The following MANEA variants were observed in gnomAD, a reference collection of about 807,000 sequenced individuals.
MANEA encodes glycoprotein endo-alpha-1,2-mannosidase.
Under a neutral mutation model 36.8 loss-of-function variants are expected in MANEA, and 25 were observed. The ratio of observed to expected loss-of-function variants is 0.68; its 90% confidence interval spans 0.50 to 0.95. The LOEUF (loss-of-function observed/expected upper bound fraction) is 0.95. Among genes scored for constraint, MANEA ranks in the 40% least tolerant of loss-of-function variants. MANEA has a pLI of 0.00. For missense variants in MANEA, 565 were observed against 558.8 expected (o/e 1.01, Z -0.11); for synonymous variants, 198 against 188.5 (o/e 1.05, Z -0.41).
chr6:95,585,369 G>A lies in MANEA; in HGVS notation c.-38-1033G>A, dbSNP rs561594256. Among the ~76,000 whole-genome samples the A allele has an allele frequency of 1.5e-4, 23 of 152,282 alleles. No homozygotes were observed. In the South Asian group the frequency reaches 2.3e-3, roughly 15 times the overall value. Reference sequence around the variant, plus strand: ...CTGTCACCCAGGCTGGAGTGCAGTGGCACAATCATGGCTCACTGCAGCCTT... The same window carrying A: ...CTGTCACCCAGGCTGGAGTGCAGTGACACAATCATGGCTCACTGCAGCCTT... On this transcript the variant is annotated intron_variant, in intron 1 of 4. Transcript: ENST00000358812.
chr6:95,584,559 CAGTA>C (rs1769244983), intron 1 of MANEA, among the ~76,000 whole-genome samples: 1 of 152,172 alleles, frequency 6.6e-6, no homozygotes, highest in South Asian at 2.1e-4. Context: ...TTTATCAAGA[CAGTA>C]GGTGCACAGC....
At chr6:95,602,984 C>T (rs975970359) in intron 3 of MANEA, among the ~76,000 whole-genome samples, 1 of 127,718 alleles carries the variant, frequency 7.8e-6, no homozygotes, top group Non-Finnish European at 1.5e-5. Context: ...TGCGCCACTG[C>T]AGTCCGCAGT....
At chr6:95,584,459 C>T (rs755967301) in intron 1 of MANEA, among the ~76,000 whole-genome samples, 24 of 152,234 alleles carry the variant, frequency 1.6e-4, no homozygotes, top group East Asian at 5.8e-4. Flanking sequence ...GACTGAGATA[C>T]GCCCTGGTCT....
rs1056995390 is a variant in MANEA, at chr6:95,607,403, T to C, written c.*998T>C. ...GTCATTAGGTTGTCTTTTAATACTT[T>C]AAGTTATTTTGACGAAAAGTAATAG... On this transcript the variant is annotated 3_prime_UTR_variant, in exon 5 of 5. Transcript: ENST00000358812. The C allele has an allele frequency of 6.6e-6, 1 of 152,066 alleles. No individual in the cohort carries two copies. The highest frequency in any genetic ancestry group is 2.4e-5 in the African/African-American group (1 of 41,444). The allele number at this position is 152,066 out of a possible 1,614,324, so 9.4% of individuals were successfully genotyped here.
chr6:95,578,383 AAAC>A (rs201751532), intron 1 of MANEA, among the ~76,000 whole-genome samples: 1,741 of 152,332 alleles, frequency 0.011, 13 homozygotes, highest in Non-Finnish European at 0.017. Flanking sequence ...AAGTGCTATA[AAAC>A]AACAACAAGG....
At chr6:95,605,649 T>C (rs959447061) in intron 4 of MANEA, 99 bp from the exon 5 acceptor site, 10 of 799,822 alleles carry the variant, frequency 1.3e-5, no homozygotes, top group Non-Finnish European at 2.0e-5. Flanking sequence ...AGCAGTGTGC[T>C]CAAACTGCAC....
chr6:95,583,976 G>A (rs1219203031), intron 1 of MANEA, among the ~76,000 whole-genome samples: 1 of 152,166 alleles, frequency 6.6e-6, no homozygotes, highest in African/African-American at 2.4e-5. Flanking sequence ...GGGACTGACT[G>A]GAGCTGCAGC....
In MANEA at chr6:95,586,388, TCAATAAA is replaced by T; in HGVS notation, c.-38-13_-38-7del. On this transcript the variant is annotated splice_region_variant and splice_polypyrimidine_tract_variant and intron_variant, in intron 1 of 4. Transcript: ENST00000358812. ...GATAACACTTACTAATTATCTTTTT[TCAATAAA>T]TTGCAGCAAAACACTTACTATTTTG... The T allele has an allele frequency of 7.0e-7, 1 of 1,425,856 alleles. No individual in the cohort carries two copies. Among genetic ancestry groups the T allele is most frequent in the African/African-American group, 1.4e-5 (1 of 69,798 alleles). The allele number at this position is 1,425,856 out of a possible 1,614,324, so 88.3% of individuals were successfully genotyped here.
chr6:95,596,443 A>C (rs1173942625), intron 2 of MANEA, among the ~76,000 whole-genome samples: 3 of 152,114 alleles, frequency 2.0e-5, no homozygotes, highest in Non-Finnish European at 4.4e-5. Context: ...GGCAGGTAGG[A>C]GGAAGAGTAT....
intron 1 of MANEA, among the ~76,000 whole-genome samples, chr6:95,585,158 A>T (rs1465247134): frequency 2.0e-5 from 3 of 152,166 alleles, no homozygotes; most frequent in Non-Finnish European, 4.4e-5. Context: ...ATATACACAC[A>T]CAACAATAAT....
chr6:95,606,692 A>G lies in MANEA; in HGVS notation c.*287A>G, dbSNP rs1769721482. On this transcript the variant is annotated 3_prime_UTR_variant, in exon 5 of 5. Transcript: ENST00000358812. Reference sequence around the variant, plus strand: ...TTGATGGCAATTGAATTTTCATTTTACAATAGATAAATGCTTGTGCTACCT... The same window carrying G: ...TTGATGGCAATTGAATTTTCATTTTGCAATAGATAAATGCTTGTGCTACCT... The G allele has an allele frequency of 5.6e-6, 1 of 178,972 alleles. No homozygotes were observed. The highest frequency in any genetic ancestry group is 6.0e-5 in the Admixed American group (1 of 16,744). The allele number at this position is 178,972 out of a possible 1,614,324, so 11.1% of individuals were successfully genotyped here. A position where few individuals can be genotyped will look rare whatever the true frequency, so the allele number is the denominator to read the frequency against.
At position 95,601,716 on chromosome 6, in the gene MANEA, A is replaced by AT. The variant is rs67335804; in HGVS notation, c.655-3083dup. 2.6e-3 allele frequency among the ~76,000 whole-genome samples: 168 copies of AT among 64,992 alleles called. 7 individuals carry two copies. Among genetic ancestry groups the AT allele is most frequent in the African/African-American group, 9.1e-3 (143 of 15,770 alleles). The allele number at this position is 64,992 out of a possible 152,430, so 42.6% of individuals were successfully genotyped here. Reference sequence around the variant, plus strand: ...AAAAGAAAATTAGGCAGATTCAGTGATTTTTTTTTTTTTTTTTTTTTTTTT... The same window carrying AT: ...AAAAGAAAATTAGGCAGATTCAGTGATTTTTTTTTTTTTTTTTTTTTTTTTT... On this transcript the variant is annotated intron_variant, in intron 3 of 4. Transcript: ENST00000358812.
chr6:95,583,208 T>C (rs766539972), intron 1 of MANEA, among the ~76,000 whole-genome samples: 4 of 152,186 alleles, frequency 2.6e-5, no homozygotes, highest in Non-Finnish European at 4.4e-5. Context: ...GGGAGGGAAC[T>C]GATGTGATGG....
chr6:95,602,686 G>A (rs1769615358), intron 3 of MANEA, among the ~76,000 whole-genome samples: 1 of 151,980 alleles, frequency 6.6e-6, no homozygotes, highest in Non-Finnish European at 1.5e-5. Context: ...TTTTCCAAAT[G>A]GAATAGAGAG....
At chr6:95,580,656 C>T (rs990559138) in intron 1 of MANEA, among the ~76,000 whole-genome samples, 5 of 145,284 alleles carry the variant, frequency 3.4e-5, no homozygotes, top group East Asian at 2.1e-4. Context: ...ACCCTGGAGG[C>T]GGAGCTTGCA....
In MANEA at chr6:95,582,180, T is replaced by G. The variant is rs796241521; in HGVS notation, c.-38-4222T>G. On this transcript the variant is annotated intron_variant, in intron 1 of 4. Coordinates refer to ENST00000358812, the MANE Select transcript of MANEA (RefSeq NM_024641.4). ...CCAAAATGGTTGTATCATCTTTTTT[T>G]TTTTTTTTTTTTTTTTTTTTTGAGA... 8.3e-3 allele frequency among the ~76,000 whole-genome samples: 1,119 copies of G among 135,614 alleles called. 17 individuals carry two copies. The highest frequency in any genetic ancestry group is 0.03 in the African/African-American group (1,082 of 36,238). 89.0% of individuals were successfully genotyped at this position (135,614 alleles called of 152,430 possible). A position where few individuals can be genotyped will look rare whatever the true frequency, so the allele number is the denominator to read the frequency against.
chr6:95,600,089 A>G (rs901342482), intron 3 of MANEA, among the ~76,000 whole-genome samples: 9 of 152,178 alleles, frequency 5.9e-5, no homozygotes, highest in Non-Finnish European at 2.9e-5. Flanking sequence ...ATGTTATGAT[A>G]TATGAGGATT....
In MANEA at chr6:95,608,999, A is replaced by AAT. The variant is rs1321926799; in HGVS notation, c.*2596_*2597dup. ...GCCAACTGCATTAGGAAATAACTCT[A>AAT]ATAATTCTGTTAATTCTTAGAGAGG... is the stretch of plus-strand genomic sequence containing the variant. On this transcript the variant is annotated 3_prime_UTR_variant, in exon 5 of 5. Coordinates refer to ENST00000358812, the MANE Select transcript of MANEA (RefSeq NM_024641.4). 1.3e-5 allele frequency: 2 copies of AAT among 150,180 alleles called. No individual in the cohort carries two copies. The highest frequency in any genetic ancestry group is 3.0e-5 in the Non-Finnish European group (2 of 67,750). 9.3% of individuals were successfully genotyped at this position (150,180 alleles called of 1,614,324 possible).
chr6:95,602,457 G>C (rs896203477), intron 3 of MANEA, among the ~76,000 whole-genome samples: 9 of 151,978 alleles, frequency 5.9e-5, no homozygotes, highest in Non-Finnish European at 1.3e-4. Flanking sequence ...TGGAGAAGGA[G>C]AAAGTTATCA....
Sources: allele counts gnomAD v4.1 joint callset (sites outside exome capture counted in the v4.1 genomes callset), GRCh38; gene constraint gnomAD v4.1.1; transcripts MANE v1.5; gene names NCBI Gene and HGNC (gene_info 2026-07-23, HGNC 2026-07-21).